MTR: variants seen among roughly 807,000 people sequenced by gnomAD.
MTR encodes methionine synthase.
In MTR, 84 loss-of-function variants were observed where a neutral mutation model predicts 154.8. The ratio of observed to expected loss-of-function variants is 0.54; its 90% CI spans 0.45 to 0.65. The LOEUF (loss-of-function observed/expected upper bound fraction) is 0.65. Among genes scored for constraint, MTR ranks in the 30% least tolerant of loss-of-function variants. The pLI, the probability that MTR is intolerant of heterozygous loss-of-function variation, is 0.00. For missense variants in MTR, 1,275 were observed against 1,570.2 expected (o/e 0.81, Z 3.18); for synonymous variants, 554 against 553.9 (o/e 1.00, Z 0.00).
intron 23 of MTR, 143 bp from the exon 24 acceptor site, chr1:236,874,583 A>C: frequency 1.5e-6 from 1 of 683,646 alleles, no homozygotes; most frequent in South Asian, 2.0e-5. Context: ...AAAAAAAAAA[A>C]AAGAATTAGG....
chr1:236,845,673 T>C (rs1007192904), intron 15 of MTR, among the ~76,000 whole-genome samples: 3 of 152,242 alleles, frequency 2.0e-5, no homozygotes, highest in African/African-American at 7.2e-5. Flanking sequence ...AACATAATTT[T>C]ACTGGACTAT....
At chr1:236,885,916 C>A (rs1665986007) in intron 26 of MTR, among the ~76,000 whole-genome samples, 1 of 152,088 alleles carries the variant, frequency 6.6e-6, no homozygotes, top group South Asian at 2.1e-4. Context: ...TTAGGTTCGC[C>A]CACAGTGGAC....
chr1:236,882,201 T>G (rs907229230), intron 25 of MTR, among the ~76,000 whole-genome samples: 5 of 152,210 alleles, frequency 3.3e-5, no homozygotes, highest in African/African-American at 1.2e-4. Flanking sequence ...GTCAGGTCCA[T>G]GGCTGAGTGC....
intron 3 of MTR, among the ~76,000 whole-genome samples, chr1:236,806,538 A>G (rs1660996369): frequency 1.3e-5 from 2 of 152,222 alleles, no homozygotes; most frequent in Admixed American, 6.5e-5. Flanking sequence ...AGGCCTTTTT[A>G]AGTATTAGAT....
intron 27 of MTR, 51 bp downstream of exon 27, chr1:236,886,418 T>C (rs749641768): frequency 5.1e-6 from 8 of 1,560,648 alleles, no homozygotes; most frequent in African/African-American, 1.4e-5. Context: ...ACTGACAGTG[T>C]GCTGAGGAAA....
intron 10 of MTR, 85 bp downstream of exon 10, chr1:236,825,484 C>A (rs1030311141): frequency 7.5e-7 from 1 of 1,332,594 alleles, no homozygotes; most frequent in African/African-American, 1.4e-5. Flanking sequence ...GAGAATTTTC[C>A]CTGAAGAAAT....
At chr1:236,837,220 C>T (rs1662959084) in intron 14 of MTR, among the ~76,000 whole-genome samples, 1 of 152,212 alleles carries the variant, frequency 6.6e-6, no homozygotes, top group Non-Finnish European at 1.5e-5. Flanking sequence ...CTTTCCTTAG[C>T]AAACCTCTCA....
intron 5 of MTR, 152 bp from the exon 6 acceptor site, chr1:236,812,586 C>A (rs1330548791): frequency 2.8e-6 from 2 of 720,134 alleles, no homozygotes; most frequent in East Asian, 5.4e-5. Flanking sequence ...TGCCACCTTT[C>A]TTTATTTGGT....
rs192741032 is a variant in MTR, at chr1:236,900,241, G to T, written c.*2597G>T. ...CGGGATATTATTCAGTAGTGGAAAT[G>T]AGTGAACTACAGCTATACCTCACAA... On this transcript the variant is annotated 3_prime_UTR_variant, in exon 33 of 33. Coordinates refer to ENST00000366577, the MANE Select transcript of MTR (RefSeq NM_000254.3). 39 of 317,354 alleles carry T rather than the reference G, an allele frequency of 1.2e-4. No individual in the cohort carries two copies. In the Admixed American group the frequency reaches 1.4e-3, roughly 11 times the overall value. 19.7% of individuals were successfully genotyped at this position (317,354 alleles called of 1,614,324 possible). A position where few individuals can be genotyped will look rare whatever the true frequency, so the allele number is the denominator to read the frequency against.
intron 31 of MTR, among the ~76,000 whole-genome samples, chr1:236,896,141 C>T (rs1273608939): frequency 6.6e-6 from 1 of 152,192 alleles, no homozygotes; most frequent in African/African-American, 2.4e-5. Context: ...CCCAGACACC[C>T]GGCCTCAGCG....
At position 236,824,212 on chromosome 1, in the gene MTR, C is replaced by T. The variant is rs146019467; in HGVS notation, c.858C>T (p.Pro286=). 5.7e-3 allele frequency: 9,159 copies of T among 1,612,330 alleles called. 61 individuals carry two copies. Among genetic ancestry groups the T allele is most frequent in the Non-Finnish European group, 5.9e-3 (6,942 of 1,178,478 alleles). ...KCTTAYVLCY[P]NAGLPNTFGD... is the part of the protein sequence containing the mutation. ...CAACAGCCTATGTCCTCTGTTATCC[C>T]AATGCAGGTGTGTGTTTCAAGGGGG... is the stretch of plus-strand genomic sequence containing the variant. Residue 286 remains proline, a synonymous_variant, in exon 9 of 33, where the codon CCC becomes CCT. Transcript: ENST00000366577.
chr1:236,890,081 G>C (rs1666232929), intron 28 of MTR, among the ~76,000 whole-genome samples: 1 of 152,100 alleles, frequency 6.6e-6, no homozygotes, highest in South Asian at 2.1e-4. Context: ...GGGAGGGGTA[G>C]ACTCACAGAA....
rs546254033 is a variant in MTR at position 236,874,708 on chromosome 1, T to TA, written c.2474-4dup. 7.7e-3 allele frequency: 9,310 copies of TA among 1,209,276 alleles called. 2 individuals carry two copies. The highest frequency in any genetic ancestry group is 8.6e-3 in the Non-Finnish European group (7,772 of 907,208). 74.9% of individuals were successfully genotyped at this position (1,209,276 alleles called of 1,614,324 possible). A position where few individuals can be genotyped will look rare whatever the true frequency, so the allele number is the denominator to read the frequency against. ...ACTGTCCTTTTTGTCCTTTTTTTTT[T>TA]AAAAAAAAAAAAAATAGATATAATT... On this transcript the variant is annotated splice_polypyrimidine_tract_variant and intron_variant, in intron 23 of 32. Coordinates refer to ENST00000366577, the MANE Select transcript of MTR (RefSeq NM_000254.3).
chr1:236,799,935 T>G, intron 1 of MTR: 1 of 436,418 alleles, frequency 2.3e-6, no homozygotes, highest in Non-Finnish European at 3.0e-6. Context: ...TTAAACAGCT[T>G]TTGATCTCTT....
Position 236,815,793 on chromosome 1 carries a change from G to T in MTR, c.669+130G>T, listed in dbSNP as rs190813996. On this transcript the variant is annotated intron_variant, in intron 7 of 32. Coordinates refer to ENST00000366577, the MANE Select transcript of MTR (RefSeq NM_000254.3). ...GAACTCATCTACTTTAACTTCCATT[G>T]TTCACTTCCCTTCCACCACTTCTGG... is the stretch of plus-strand genomic sequence containing the variant. 5.8e-4 allele frequency: 510 copies of T among 874,968 alleles called. 4 individuals carry two copies. The East Asian group carries it at 0.012, about 21-fold the overall frequency. 54.2% of individuals were successfully genotyped at this position (874,968 alleles called of 1,614,324 possible).
chr1:236,844,273 G>A (rs185368434), intron 15 of MTR, among the ~76,000 whole-genome samples: 35 of 152,282 alleles, frequency 2.3e-4, no homozygotes, highest in Non-Finnish European at 4.0e-4. Flanking sequence ...ATTTAGAAAT[G>A]GGGTCATTTG....
rs2297968 is a variant in MTR at position 236,862,053 on chromosome 1, A to G, written c.2197-183A>G. Reference sequence around the variant, plus strand: ...CCTTGTTTTCCTTCTGCTGTACCTTATTATTCACTGGCTTTCCCTCTGGGG... The same window carrying G: ...CCTTGTTTTCCTTCTGCTGTACCTTGTTATTCACTGGCTTTCCCTCTGGGG... On this transcript the variant is annotated intron_variant, in intron 20 of 32. Transcript: ENST00000366577. Among the ~76,000 whole-genome samples the G allele has an allele frequency of 5.9e-5, 9 of 152,298 alleles. No individual in the cohort carries two copies. The East Asian group carries it at 1.5e-3, about 26-fold the overall frequency.
At chr1:236,837,928 CCTTT>C (rs1663002169) in intron 14 of MTR, among the ~76,000 whole-genome samples, 1 of 152,068 alleles carries the variant, frequency 6.6e-6, no homozygotes, top group African/African-American at 2.4e-5. Context: ...ATCTGCTTTT[CCTTT>C]CTAATATTAA....
At chr1:236,868,315 TA>T (rs1664933626) in intron 22 of MTR, among the ~76,000 whole-genome samples, 1 of 152,208 alleles carries the variant, frequency 6.6e-6, no homozygotes, top group Non-Finnish European at 1.5e-5. Flanking sequence ...TTAAGGTATG[TA>T]TACCTTGTTC....
Sources: allele counts gnomAD v4.1 joint callset (sites outside exome capture counted in the v4.1 genomes callset), GRCh38; gene constraint gnomAD v4.1.1; transcripts MANE v1.5; gene names NCBI Gene and HGNC (gene_info 2026-07-23, HGNC 2026-07-21).